Variants in DFFB observed in about 807,000 individuals in gnomAD.
DFFB encodes DNA fragmentation factor 40 kDa subunit.
Under a neutral mutation model 32.7 loss-of-function variants are expected in DFFB, and 29 were observed. That is an observed-to-expected ratio of 0.89 (90% confidence interval 0.66 to 1.21). DFFB has a LOEUF of 1.21. DFFB is among the 50% of genes most tolerant of loss of function. The pLI, the probability that DFFB is intolerant of heterozygous loss-of-function variation, is 0.00. For missense variants in DFFB, 398 were observed against 440.6 expected (o/e 0.90, Z 0.87); for synonymous variants, 170 against 177.1 (o/e 0.96, Z 0.32).
At chr1:3,861,271 A>C (rs1644875738) in intron 2 of DFFB, among the ~76,000 whole-genome samples, 1 of 151,954 alleles carries the variant, frequency 6.6e-6, no homozygotes, top group Admixed American at 6.6e-5. Context: ...GTGTGTATCC[A>C]TAGTCCGTTC....
chr1:3,885,047 T>C lies in DFFB; in HGVS notation c.*1306T>C, dbSNP rs114196787. The C allele has an allele frequency of 0.027, 4,090 of 152,302 alleles. 88 individuals are homozygous for C. Among genetic ancestry groups the C allele is most frequent in the Middle Eastern group, 0.075 (22 of 294 alleles). 9.4% of individuals were successfully genotyped at this position (152,302 alleles called of 1,614,324 possible). A position where few individuals can be genotyped will look rare whatever the true frequency, so the allele number is the denominator to read the frequency against. ...CAAAACTGTGTCACAGTTTCAGGCT[T>C]TTATGAGGAAAGCGTTTCTGTGTAG... On this transcript the variant is annotated 3_prime_UTR_variant, in exon 7 of 7. Coordinates refer to ENST00000378209, the MANE Select transcript of DFFB (RefSeq NM_004402.4).
At chr1:3,877,761 G>A (rs553013458) in intron 6 of DFFB, among the ~76,000 whole-genome samples, 108 of 152,196 alleles carry the variant, frequency 7.1e-4, no homozygotes, top group African/African-American at 2.4e-3. Flanking sequence ...CCTGCCTTTC[G>A]TTGTGGTCTG....
chr1:3,867,814 C>T, intron 3 of DFFB, 160 bp from the exon 4 acceptor site: 1 of 691,228 alleles, frequency 1.4e-6, no homozygotes, highest in Non-Finnish European at 2.6e-6. Context: ...GTTCGTGCCA[C>T]TGTACTCCAG....
chr1:3,861,468 G>A (rs1372181441), intron 2 of DFFB, among the ~76,000 whole-genome samples: 2 of 151,868 alleles, frequency 1.3e-5, no homozygotes, highest in Non-Finnish European at 2.9e-5. Flanking sequence ...TCACCCTGTC[G>A]CCCAGGCTGG....
Position 3,865,232 on chromosome 1 carries a change from G to A in DFFB, c.242-580G>A, listed in dbSNP as rs1437071924. 6.6e-5 allele frequency among the ~76,000 whole-genome samples: 10 copies of A among 152,148 alleles called. No individual in the cohort carries two copies. The highest frequency in any genetic ancestry group is 1.2e-4 in the Non-Finnish European group (8 of 68,030). Reference sequence around the variant, plus strand: ...CTTCTTCTGACCCACTGATGTGATCGTGAGGCTTTTCTCATATGGTGGATC... The same window carrying A: ...CTTCTTCTGACCCACTGATGTGATCATGAGGCTTTTCTCATATGGTGGATC... On this transcript the variant is annotated intron_variant, in intron 2 of 6. Coordinates refer to ENST00000378209, the MANE Select transcript of DFFB (RefSeq NM_004402.4). The surrounding 1 kb of genome is among the most constrained non-coding windows in gnomAD (Gnocchi z 4.7).
chr1:3,869,586 C>T lies in DFFB; in HGVS notation c.511-19C>T, dbSNP rs192230795. On this transcript the variant is annotated intron_variant, in intron 4 of 6. Coordinates refer to ENST00000378209, the MANE Select transcript of DFFB (RefSeq NM_004402.4). ...GGGCGCTGTGCACCAGGCTCACCGA[C>T]GTTCCTTGGTTCCTCCAGGTGAGCT... 17 of 1,595,776 alleles carry T rather than the reference C, an allele frequency of 1.1e-5. No individual in the cohort carries two copies. Among genetic ancestry groups the T allele is most frequent in the Admixed American group, 1.7e-5 (1 of 57,168 alleles).
chr1:3,866,928 C>G (rs1644994013), intron 3 of DFFB, among the ~76,000 whole-genome samples: 1 of 152,184 alleles, frequency 6.6e-6, no homozygotes, highest in Non-Finnish European at 1.5e-5. Flanking sequence ...CAGAGTCTTG[C>G]TCTGTTGCCC....
intron 6 of DFFB, among the ~76,000 whole-genome samples, chr1:3,879,792 T>C (rs1383385568): frequency 6.6e-6 from 1 of 152,212 alleles, no homozygotes; most frequent in Non-Finnish European, 1.5e-5. Context: ...CTTCCTTTTT[T>C]GGGTTCCTAA....
At chr1:3,867,571 G>T (rs964624856) in intron 3 of DFFB, 12 of 179,972 alleles carry the variant, frequency 6.7e-5, no homozygotes, top group Non-Finnish European at 9.5e-5. Context: ...GATGCAATCT[G>T]GCCAGGTGTC....
At chr1:3,872,875 T>C in intron 6 of DFFB, 1 of 1,215,130 alleles carries the variant, frequency 8.2e-7, no homozygotes, top group Non-Finnish European at 1.1e-6. Context: ...GCAGCGTCCT[T>C]CCCCAGAACA....
At position 3,884,944 on chromosome 1, in the gene DFFB, G is replaced by A. The variant is rs1012815206; in HGVS notation, c.*1203G>A. ...TTGAACAGCTATCACGTTGAACCAC[G>A]TGAAACTGCTGTTTTCTAGGCCAAA... On this transcript the variant is annotated 3_prime_UTR_variant, in exon 7 of 7. Transcript: ENST00000378209. 1.3e-5 allele frequency: 2 copies of A among 152,232 alleles called. No homozygotes were observed. Among genetic ancestry groups the A allele is most frequent in the African/African-American group, 4.8e-5 (2 of 41,448 alleles). 9.4% of individuals were successfully genotyped at this position (152,232 alleles called of 1,614,324 possible). A position where few individuals can be genotyped will look rare whatever the true frequency, so the allele number is the denominator to read the frequency against.
chr1:3,880,971 C>T (rs755382742), intron 6 of DFFB, among the ~76,000 whole-genome samples: 4 of 152,180 alleles, frequency 2.6e-5, no homozygotes, highest in Admixed American at 6.5e-5. Flanking sequence ...CTGCGTTCTG[C>T]GGATGACTGT....
At chr1:3,868,091 T>C in intron 4 of DFFB, 38 bp downstream of exon 4, 1 of 1,592,810 alleles carries the variant, frequency 6.3e-7, no homozygotes, top group Non-Finnish European at 8.6e-7. Context: ...TGGGCGGGTT[T>C]TTGAAGCCAG....
chr1:3,882,525 C>T (rs1645361134), intron 6 of DFFB, among the ~76,000 whole-genome samples: 1 of 152,024 alleles, frequency 6.6e-6, no homozygotes, highest in Non-Finnish European at 1.5e-5. Flanking sequence ...TCACCATGCC[C>T]AGCTAATTTT....
rs185984222 is a variant in DFFB at position 3,883,585 on chromosome 1, G to C, written c.861G>C (p.Glu287Asp). The change falls in exon 7 of 7, where the codon GAG (glutamate) becomes GAC (aspartate). Residue 287 changes from glutamate (E) to aspartate (D), a missense_variant. Physicochemically the swap from Glu to Asp is conservative, Grantham distance 45. Coordinates refer to ENST00000378209, the MANE Select transcript of DFFB (RefSeq NM_004402.4). ...AAGATGGAAGAGAAGTGGACTGGGAGTATTTTTATGGCCTGCTTTTTACCT... is the reference window on the plus strand; with the variant it reads ...AAGATGGAAGAGAAGTGGACTGGGACTATTTTTATGGCCTGCTTTTTACCT... ...KEQDGREVDW[E>D]YFYGLLFTSE... is the part of the protein sequence containing the mutation. 19 of 1,614,072 alleles carry C rather than the reference G, an allele frequency of 1.2e-5. No individual in the cohort carries two copies. Among genetic ancestry groups the C allele is most frequent in the African/African-American group, 2.7e-5 (2 of 74,934 alleles).
At chr1:3,866,715 C>T (rs575240699) in intron 3 of DFFB, among the ~76,000 whole-genome samples, 19 of 152,172 alleles carry the variant, frequency 1.2e-4, no homozygotes, top group Middle Eastern at 3.4e-3. Context: ...GTCCCTGTTA[C>T]ATCACTCCCC....
chr1:3,875,055 T>C (rs1189144821), intron 6 of DFFB, among the ~76,000 whole-genome samples: 6 of 152,268 alleles, frequency 3.9e-5, no homozygotes, highest in African/African-American at 1.4e-4. Context: ...TCGTGTGCAG[T>C]GTACCTGTTC....
At position 3,865,723 on chromosome 1, in the gene DFFB, G is replaced by T; in HGVS notation, c.242-89G>T. Reference sequence around the variant, plus strand: ...TGATTGCCAGGCCCTGGGGAATGGGGGAAGATGTGGTCAGAGGCTCTTCTT... The same window carrying T: ...TGATTGCCAGGCCCTGGGGAATGGGTGAAGATGTGGTCAGAGGCTCTTCTT... On this transcript the variant is annotated intron_variant, in intron 2 of 6. Coordinates refer to ENST00000378209, the MANE Select transcript of DFFB (RefSeq NM_004402.4). The surrounding 1 kb of genome is among the most constrained non-coding windows in gnomAD (Gnocchi z 4.7). 6.2e-7 allele frequency: 1 copy of T among 1,601,568 alleles called. No individual in the cohort carries two copies. Among genetic ancestry groups the T allele is most frequent in the Non-Finnish European group, 8.6e-7 (1 of 1,168,710 alleles).
chr1:3,879,074 G>T (rs1425075578), intron 6 of DFFB, among the ~76,000 whole-genome samples: 1 of 152,216 alleles, frequency 6.6e-6, no homozygotes, highest in Non-Finnish European at 1.5e-5. Flanking sequence ...TGAGAAATCT[G>T]TTGGCAGCCT....
Sources: allele counts gnomAD v4.1 joint callset (sites outside exome capture counted in the v4.1 genomes callset), GRCh38; gene constraint gnomAD v4.1.1; non-coding constraint Gnocchi (gnomAD v3.1); transcripts MANE v1.5; gene names NCBI Gene and HGNC (gene_info 2026-07-23, HGNC 2026-07-21).